The following TMED2 variants were observed in gnomAD, a reference collection of about 807,000 sequenced individuals.
TMED2 encodes transmembrane p24 trafficking protein 2, also known as transmembrane emp24 domain-containing protein 2.
In TMED2, 3 loss-of-function variants were observed where a neutral mutation model predicts 17.5. The ratio of observed to expected loss-of-function variants is 0.17; its 90% confidence interval spans 0.08 to 0.44. TMED2 has a LOEUF of 0.44. Among genes scored for constraint, TMED2 ranks in the 20% least tolerant of loss-of-function variants. The probability of loss-of-function intolerance (pLI) is 0.99; values close to 1 mark genes in which losing one functional copy is unlikely to be tolerated. For missense variants in TMED2, 149 were observed against 254.8 expected (o/e 0.58, Z 2.83); for synonymous variants, 95 against 91.0 (o/e 1.04, Z -0.25).
At chr12:123,594,451 C>A (rs1218322471) in intron 3 of TMED2, among the ~76,000 whole-genome samples, 1 of 151,942 alleles carries the variant, frequency 6.6e-6, no homozygotes, top group African/African-American at 2.4e-5. Context: ...TAATTAAAAG[C>A]TAAGGCTATA....
intron 3 of TMED2, among the ~76,000 whole-genome samples, chr12:123,595,945 C>G (rs947575896): frequency 1.1e-4 from 16 of 152,174 alleles, no homozygotes; most frequent in Non-Finnish European, 2.4e-4. Flanking sequence ...GGCAGGATTG[C>G]TTGAGTACAG....
chr12:123,585,197 C>T (rs1463682699), intron 1 of TMED2: 2 of 191,012 alleles, frequency 1.0e-5, no homozygotes, highest in Non-Finnish European at 1.1e-5. Flanking sequence ...ATCCAGTTAG[C>T]ACCTGCCTTC....
intron 3 of TMED2, among the ~76,000 whole-genome samples, chr12:123,593,723 C>G (rs1220991893): frequency 6.6e-6 from 1 of 152,202 alleles, no homozygotes; most frequent in Admixed American, 6.5e-5. Context: ...TGGTTTCTAT[C>G]TCTTCACCTT....
In TMED2 at chr12:123,586,709, C is replaced by A. The variant is rs183279711; in HGVS notation, c.181-38C>A. On this transcript the variant is annotated intron_variant, in intron 1 of 3. Transcript: ENST00000262225. ...TTACTTATAAAGTCTATGACTTAAT[C>A]TTTTGTGACATTTTATGCATTTCTC... is the stretch of plus-strand genomic sequence containing the variant. 63 of 1,546,414 alleles carry A rather than the reference C, an allele frequency of 4.1e-5. No homozygotes were observed. In the East Asian group the frequency reaches 1.4e-3, roughly 35 times the overall value.
At chr12:123,591,389 A>T (rs964169199) in intron 3 of TMED2, among the ~76,000 whole-genome samples, 1 of 152,234 alleles carries the variant, frequency 6.6e-6, no homozygotes, top group Admixed American at 6.5e-5. Context: ...ATTTAAAATT[A>T]AGAGGTACTA....
intron 3 of TMED2, 135 bp downstream of exon 3, chr12:123,590,584 C>A: frequency 1.7e-6 from 1 of 591,072 alleles, no homozygotes; most frequent in Non-Finnish European, 2.9e-6. Context: ...TGTACCTACA[C>A]GAGATATTTT....
Position 123,596,835 on chromosome 12 carries a change from C to A in TMED2, c.*106C>A. The A allele has an allele frequency of 7.6e-7, 1 of 1,314,442 alleles. No individual in the cohort carries two copies. The highest frequency in any genetic ancestry group is 1.0e-6 in the Non-Finnish European group (1 of 1,001,930). 81.4% of individuals were successfully genotyped at this position (1,314,442 alleles called of 1,614,324 possible). ...ATTTTTATTTTCTGAACTGTACATT[C>A]ACAACTTATGTTTCTTTGAGATTAA... On this transcript the variant is annotated 3_prime_UTR_variant, in exon 4 of 4. Transcript: ENST00000262225.
At chr12:123,591,948 C>T (rs1422594953) in intron 3 of TMED2, among the ~76,000 whole-genome samples, 1 of 152,190 alleles carries the variant, frequency 6.6e-6, no homozygotes, top group Non-Finnish European at 1.5e-5. Flanking sequence ...AAGAGTGACT[C>T]AAAGAGATAA....
intron 2 of TMED2, among the ~76,000 whole-genome samples, chr12:123,587,236 T>C (rs1266237706): frequency 1.3e-5 from 2 of 152,174 alleles, no homozygotes; most frequent in Non-Finnish European, 2.9e-5. Context: ...AATCTCCGCC[T>C]CCTGGGTTCA....
In TMED2 at chr12:123,584,738, T is replaced by A. The variant is rs763408356; in HGVS notation, c.102T>A (p.Phe34Leu). The change falls in exon 1 of 4, where the codon TTT becomes TTA. Residue 34 changes from phenylalanine to leucine, a missense_variant. Coordinates refer to ENST00000262225, the MANE Select transcript of TMED2 (RefSeq NM_006815.4). ...ACGCCCATGCTGAAGAGTGCTTCTT[T>A]GAGCGGGTCACCTCGGGCACCAAGA... ...SIDAHAEECFFERVTSGTKMG... is the reference protein window; with the variant it reads ...SIDAHAEECFLERVTSGTKMG... 5 of 1,613,814 alleles carry A rather than the reference T, an allele frequency of 3.1e-6. No homozygotes were observed. In the South Asian group the frequency reaches 5.5e-5, roughly 18 times the overall value.
At position 123,597,908 on chromosome 12, in the gene TMED2, T is replaced by C. The variant is rs1005743558; in HGVS notation, c.*1179T>C. ...ACTACAAGTAACGAGTTTTATATAA[T>C]TAATTTAAATTTGTTACAGGTTTTC... On this transcript the variant is annotated 3_prime_UTR_variant, in exon 4 of 4. Coordinates refer to ENST00000262225, the MANE Select transcript of TMED2 (RefSeq NM_006815.4). 22 of 151,496 alleles carry C rather than the reference T, an allele frequency of 1.5e-4. No individual in the cohort carries two copies. Among genetic ancestry groups the C allele is most frequent in the Admixed American group, 1.3e-3 (20 of 15,086 alleles). 9.4% of individuals were successfully genotyped at this position (151,496 alleles called of 1,614,324 possible). A position where few individuals can be genotyped will look rare whatever the true frequency, so the allele number is the denominator to read the frequency against.
intron 3 of TMED2, among the ~76,000 whole-genome samples, chr12:123,594,280 G>A (rs1953414159): frequency 6.6e-6 from 1 of 151,796 alleles, no homozygotes; most frequent in African/African-American, 2.4e-5. Flanking sequence ...GACTACAGGT[G>A]CCTGCCACCA....
chr12:123,584,871 G>C, intron 1 of TMED2, 55 bp downstream of exon 1: 1 of 1,590,626 alleles, frequency 6.3e-7, no homozygotes, highest in Non-Finnish European at 8.5e-7. Flanking sequence ...TCGGGGATTG[G>C]TGGCACCTGG....
At chr12:123,585,531 C>A (rs941294002) in intron 1 of TMED2, 2 of 152,118 alleles carry the variant, frequency 1.3e-5, no homozygotes, top group African/African-American at 4.8e-5. Flanking sequence ...TGATGTGTTG[C>A]TAGTTTTTAT....
At position 123,584,567 on chromosome 12, in the gene TMED2, C is replaced by CGGCGGG. The variant is rs1427669405; in HGVS notation, c.-65_-64insGGGCGG. The CGGCGGG allele has an allele frequency of 5.7e-4, 4 of 7,002 alleles. No individual in the cohort carries two copies. Among genetic ancestry groups the CGGCGGG allele is most frequent in the Non-Finnish European group, 1.6e-3 (4 of 2,458 alleles). The allele number at this position is 7,002 out of a possible 1,614,324, so 0.4% of individuals were successfully genotyped here. A position where few individuals can be genotyped will look rare whatever the true frequency, so the allele number is the denominator to read the frequency against. ...GGCGGTGGCTGAGAAGGCAGCGGGG[C>CGGCGGG]GGCGGCGGCGGCGGCGGCGGCGGCT... On this transcript the variant is annotated 5_prime_UTR_variant, in exon 1 of 4. Transcript: ENST00000262225.
In TMED2 at chr12:123,584,581, GC is replaced by G. The variant is rs1886298967; in HGVS notation, c.-55del. ...AGGCAGCGGGGCGGCGGCGGCGGCG[GC>G]GGCGGCGGCTGTGGAGGCCGCAGTC... is the stretch of plus-strand genomic sequence containing the variant. On this transcript the variant is annotated 5_prime_UTR_variant, in exon 1 of 4. Coordinates refer to ENST00000262225, the MANE Select transcript of TMED2 (RefSeq NM_006815.4). The G allele has an allele frequency of 6.4e-7, 1 of 1,565,564 alleles. No homozygotes were observed. The highest frequency in any genetic ancestry group is 8.6e-7 in the Non-Finnish European group (1 of 1,160,520).
intron 3 of TMED2, 114 bp downstream of exon 3, chr12:123,590,563 G>C: frequency 1.3e-6 from 1 of 748,918 alleles, no homozygotes; most frequent in Non-Finnish European, 2.1e-6. Flanking sequence ...TGAAAGCATT[G>C]ACTTTAAAAG....
chr12:123,591,677 G>A (rs937252209), intron 3 of TMED2, among the ~76,000 whole-genome samples: 1 of 152,182 alleles, frequency 6.6e-6, no homozygotes, highest in Admixed American at 6.5e-5. Flanking sequence ...AGCTACTCAG[G>A]AGGCTGAGGC....
intron 1 of TMED2, chr12:123,585,872 C>T (rs1464597676): frequency 6.6e-6 from 1 of 152,184 alleles, no homozygotes; most frequent in Non-Finnish European, 1.5e-5. Context: ...AAGCAGAATT[C>T]CTTCACTGTT....
Sources: gnomAD v4.1 joint callset for allele counts (sites outside exome capture counted in the v4.1 genomes callset) on GRCh38, gnomAD v4.1.1 for gene constraint, MANE v1.5 for transcripts, NCBI Gene and HGNC (gene_info 2026-07-23, HGNC 2026-07-21) for gene names.